Variants in ATP8B4 observed in about 807,000 individuals in gnomAD.
The protein encoded by ATP8B4 is probable phospholipid-transporting ATPase IM.
In ATP8B4, 133 loss-of-function variants were observed where a neutral mutation model predicts 145.6. The ratio of observed to expected loss-of-function variants is 0.91; its 90% CI spans 0.79 to 1.05. The LOEUF is 1.05. ATP8B4 is among the 50% of genes least tolerant of loss of function. ATP8B4 has a pLI of 0.00. For synonymous variants in ATP8B4, 507 were observed against 492.9 expected (o/e 1.03, Z -0.38); for missense variants, 1,458 against 1,425.2 (o/e 1.02, Z -0.37).
chr15:50,014,492 T>G (rs1045433795), intron 6 of ATP8B4, among the ~76,000 whole-genome samples: 4 of 152,166 alleles, frequency 2.6e-5, no homozygotes, highest in African/African-American at 9.6e-5. Context: ...TAATAAGAAT[T>G]ATAGCATCCC....
Position 49,934,511 on chromosome 15 carries a change from G to A in ATP8B4, c.1288-329C>T, listed in dbSNP as rs544354097. Among the ~76,000 whole-genome samples the A allele has an allele frequency of 3.7e-4, 57 of 152,002 alleles. 1 individual carries two copies. In the South Asian group the frequency reaches 0.011, roughly 29 times the overall value. On this transcript the variant is annotated intron_variant, in intron 14 of 27. Coordinates refer to ENST00000284509, the MANE Select transcript of ATP8B4 (RefSeq NM_024837.4). ...AAAGTTTTTTCAAAACCTACTTTACGGCAAAACCTGATCTGACTTGAACCC... is the reference window on the plus strand; with the variant it reads ...AAAGTTTTTTCAAAACCTACTTTACAGCAAAACCTGATCTGACTTGAACCC...
chr15:49,959,227 G>T (rs982536379), intron 14 of ATP8B4, among the ~76,000 whole-genome samples: 4 of 151,474 alleles, frequency 2.6e-5, no homozygotes, highest in African/African-American at 9.7e-5. Context: ...TATCCTCATG[G>T]GTGACAAAGG....
intron 21 of ATP8B4, among the ~76,000 whole-genome samples, 180 bp from the exon 22 acceptor site, chr15:49,898,431 T>G (rs915506465): frequency 6.6e-6 from 1 of 152,214 alleles, no homozygotes; most frequent in African/African-American, 2.4e-5. Context: ...GAAATGAGTA[T>G]TGAACTCCTA....
At chr15:49,993,887 G>A (rs1035529629) in intron 9 of ATP8B4, among the ~76,000 whole-genome samples, 9 of 152,244 alleles carry the variant, frequency 5.9e-5, no homozygotes, top group Non-Finnish European at 8.8e-5. Flanking sequence ...AGAGAGGTCT[G>A]TGTTGTCTTT....
intron 20 of ATP8B4, among the ~76,000 whole-genome samples, chr15:49,907,061 C>A (rs2038700873): frequency 6.6e-6 from 1 of 152,152 alleles, no homozygotes; most frequent in South Asian, 2.1e-4. Context: ...GGTTCCCCAG[C>A]AGAGTGTGGA....
chr15:49,964,627 C>G lies in ATP8B4; in HGVS notation c.1244-2607G>C, dbSNP rs149736186. Among the ~76,000 whole-genome samples the G allele has an allele frequency of 5.3e-3, 800 of 152,194 alleles. 4 individuals carry two copies. The highest frequency in any genetic ancestry group is 7.6e-3 in the Non-Finnish European group (519 of 68,002). ...GTTATAAATGCATTATAAATTATAA[C>G]AGCATATAAATTAAGAGTCTAAAGG... On this transcript the variant is annotated intron_variant, in intron 13 of 27. Coordinates refer to ENST00000284509, the MANE Select transcript of ATP8B4 (RefSeq NM_024837.4).
At chr15:49,930,417 C>A (rs1033660590) in intron 16 of ATP8B4, among the ~76,000 whole-genome samples, 12 of 152,146 alleles carry the variant, frequency 7.9e-5, no homozygotes, top group African/African-American at 2.9e-4. Flanking sequence ...TGGAAAAAGG[C>A]ACTAAATATG....
chr15:50,122,043 A>C (rs1174462539), upstream of ATP8B4, among the ~76,000 whole-genome samples: 2 of 152,206 alleles, frequency 1.3e-5, no homozygotes, highest in African/African-American at 2.4e-5. Flanking sequence ...ATCTGAAACC[A>C]CACAACTATA....
At chr15:50,077,019 C>A (rs12902530) in intron 2 of ATP8B4, among the ~76,000 whole-genome samples, 37,415 of 152,076 alleles carry the variant, frequency 0.25, 4,579 homozygotes, top group Middle Eastern at 0.34. Flanking sequence ...CCATTGAGAA[C>A]GGCTCAGAGG....
chr15:50,172,916 C>T (rs908161812), intron 1 of ATP8B4, among the ~76,000 whole-genome samples: 24 of 151,372 alleles, frequency 1.6e-4, no homozygotes, highest in African/African-American at 5.8e-4. Context: ...GCAGCCGCCC[C>T]GTCCGGGAAG....
rs1021853160 is a variant in ATP8B4 at position 50,044,746 on chromosome 15, T to C, written c.202-54A>G. ...GCTTTTAAAGTTAGAAAATATATCT[T>C]CCAAACTGTGTCATTTAATTTCAAA... On this transcript the variant is annotated intron_variant, in intron 4 of 27. Coordinates refer to ENST00000284509, the MANE Select transcript of ATP8B4 (RefSeq NM_024837.4). 3 of 1,255,652 alleles carry C rather than the reference T, an allele frequency of 2.4e-6. No homozygotes were observed. The Admixed American group carries it at 5.5e-5, about 23-fold the overall frequency. 77.8% of individuals were successfully genotyped at this position (1,255,652 alleles called of 1,614,324 possible). A position where few individuals can be genotyped will look rare whatever the true frequency, so the allele number is the denominator to read the frequency against.
chr15:50,124,888 C>A (rs914772785), intron 1 of ATP8B4, among the ~76,000 whole-genome samples: 1 of 152,164 alleles, frequency 6.6e-6, no homozygotes, highest in Admixed American at 6.5e-5. Context: ...AGCCTAACAC[C>A]AAGCCAGACT....
chr15:49,891,517 A>G (rs1009274881), intron 23 of ATP8B4, among the ~76,000 whole-genome samples: 1 of 151,984 alleles, frequency 6.6e-6, no homozygotes, highest in African/African-American at 2.4e-5. Context: ...GTAGAGACGA[A>G]GTTTTACTAC....
intron 1 of ATP8B4, among the ~76,000 whole-genome samples, chr15:50,151,998 C>T (rs1445265099): frequency 6.6e-6 from 1 of 152,010 alleles, no homozygotes; most frequent in African/African-American, 2.4e-5. Context: ...AGATAAAAGT[C>T]ATAAAAGCAT....
chr15:50,023,804 A>G (rs1322602661), intron 6 of ATP8B4, among the ~76,000 whole-genome samples: 1 of 147,724 alleles, frequency 6.8e-6, no homozygotes, highest in East Asian at 2.2e-4. Flanking sequence ...AAAGAAAAAA[A>G]AGAAAAAAAA....
At chr15:50,050,132 T>A (rs1306486536) in intron 3 of ATP8B4, among the ~76,000 whole-genome samples, 1 of 152,200 alleles carries the variant, frequency 6.6e-6, no homozygotes, top group Admixed American at 6.5e-5. Flanking sequence ...TCTCTATGAT[T>A]TATTTTACAG....
At chr15:50,168,381 G>C (rs2044623801) in intron 1 of ATP8B4, among the ~76,000 whole-genome samples, 1 of 152,022 alleles carries the variant, frequency 6.6e-6, no homozygotes, top group African/African-American at 2.4e-5. Context: ...AAGTGGGAAA[G>C]GTAGACCCTC....
chr15:50,125,821 A>G (rs1456907313), intron 1 of ATP8B4, among the ~76,000 whole-genome samples: 1 of 152,222 alleles, frequency 6.6e-6, no homozygotes, highest in Non-Finnish European at 1.5e-5. Flanking sequence ...TTGGTAAACA[A>G]CTTAGAAACT....
chr15:49,884,800 G>A (rs113884725), intron 23 of ATP8B4, among the ~76,000 whole-genome samples: 1 of 152,000 alleles, frequency 6.6e-6, no homozygotes, highest in Non-Finnish European at 1.5e-5. Context: ...AGGCAAGCGA[G>A]CCTGAGCTCC....
Sources: gnomAD v4.1 joint callset for allele counts (sites outside exome capture counted in the v4.1 genomes callset) on GRCh38, gnomAD v4.1.1 for gene constraint, MANE v1.5 for transcripts, NCBI Gene and HGNC (gene_info 2026-07-23, HGNC 2026-07-21) for gene names.